Variants in SLC35E2B observed in about 807,000 individuals in gnomAD.
SLC35E2B encodes the protein solute carrier family 35 member E2B, also known as solute carrier family 35, member E2B.
Under a neutral mutation model 32.4 loss-of-function variants are expected in SLC35E2B, and 18 were observed. The observed-to-expected ratio is 0.56, with a 90% CI of 0.38 to 0.82. The LOEUF is 0.82. Ranked by LOEUF, SLC35E2B falls within the 40% of genes least tolerant of loss-of-function variation. The pLI is 0.00. For synonymous variants in SLC35E2B, 132 were observed against 209.1 expected (o/e 0.63, Z 3.18); for missense variants, 263 against 469.5 (o/e 0.56, Z 4.06).
intron 7 of SLC35E2B, 157 bp downstream of exon 7, chr1:1,669,941 C>A: frequency 1.2e-6 from 1 of 850,234 alleles, no homozygotes; most frequent in Non-Finnish European, 1.9e-6. Context: ...AGCTGAGAAA[C>A]GGGCGGGTCC....
At chr1:1,689,534 G>A (rs1259300815) in intron 2 of SLC35E2B, among the ~76,000 whole-genome samples, 1 of 151,588 alleles carries the variant, frequency 6.6e-6, no homozygotes, top group Non-Finnish European at 1.5e-5. Flanking sequence ...ACTTAAATGT[G>A]TAAAACTTTA....
At chr1:1,669,760 GCCC>G in intron 7 of SLC35E2B, 24 bp from the exon 8 acceptor site, 3 of 1,548,034 alleles carry the variant, frequency 1.9e-6, no homozygotes, top group Non-Finnish European at 2.6e-6. Context: ...AACACGCTGG[GCCC>G]CCCGTGTCGG....
intron 9 of SLC35E2B, among the ~76,000 whole-genome samples, chr1:1,667,424 T>TAAAATA (rs35902057): frequency 0.26 from 39,887 of 151,214 alleles, 6,614 homozygotes; most frequent in Non-Finnish European, 0.37. Flanking sequence ...AAAAAATAAA[T>TAAAATA]AAATAAAATA....
At chr1:1,678,625 A>AC (rs1276689661) in intron 2 of SLC35E2B, among the ~76,000 whole-genome samples, 1 of 151,560 alleles carries the variant, frequency 6.6e-6, no homozygotes, top group Non-Finnish European at 1.5e-5. Flanking sequence ...GAGAAGGCCG[A>AC]CCCCTCCACC....
chr1:1,678,626 C>T (rs1400822916), intron 2 of SLC35E2B, among the ~76,000 whole-genome samples: 3 of 152,244 alleles, frequency 2.0e-5, no homozygotes, highest in Admixed American at 2.0e-4. Flanking sequence ...AGAAGGCCGA[C>T]CCCTCCACCA....
intron 6 of SLC35E2B, 45 bp downstream of exon 6, chr1:1,671,464 G>A: frequency 7.2e-7 from 1 of 1,383,852 alleles, no homozygotes; most frequent in Non-Finnish European, 9.5e-7. Context: ...ATGCAGGTGA[G>A]CACCGGGTCT....
intron 6 of SLC35E2B, chr1:1,670,887 G>A (rs140784911): frequency 2.6e-5 from 4 of 152,310 alleles, no homozygotes; most frequent in Admixed American, 6.5e-5. Context: ...AGGTTTTGCC[G>A]GGGCTGGAGT....
At chr1:1,690,554 C>G (rs1644007387) in intron 2 of SLC35E2B, among the ~76,000 whole-genome samples, 1 of 135,290 alleles carries the variant, frequency 7.4e-6, no homozygotes, top group Non-Finnish European at 1.6e-5. Flanking sequence ...GCCTGGCCAA[C>G]ATGATGAAAC....
rs1036008963 is a variant in SLC35E2B at position 1,665,451 on chromosome 1, C to T, written c.*331G>A. ...CGGCTCTCGTTGGCACTGGACCCAC[C>T]TCTGGCTCCCGGTGGACCCTGGGGT... On this transcript the variant is annotated 3_prime_UTR_variant, in exon 10 of 10. Transcript: ENST00000617444. 1.9e-5 allele frequency: 10 copies of T among 528,482 alleles called. No homozygotes were observed. In the African/African-American group the frequency reaches 1.9e-4, roughly 10 times the overall value. The allele number at this position is 528,482 out of a possible 1,614,324, so 32.7% of individuals were successfully genotyped here.
At position 1,678,979 on chromosome 1, in the gene SLC35E2B, C is replaced by T. The variant is rs377089128; in HGVS notation, c.-147-2133G>A. 6.8e-4 allele frequency among the ~76,000 whole-genome samples: 103 copies of T among 152,276 alleles called. 1 individual carries two copies. The highest frequency in any genetic ancestry group is 2.0e-3 in the African/African-American group (82 of 41,550). Reference sequence around the variant, plus strand: ...GGACAGAGCACTCGCGACAGGGCTCCGCAAGGCAGGGGTGGAGCTCATGGC... The same window carrying T: ...GGACAGAGCACTCGCGACAGGGCTCTGCAAGGCAGGGGTGGAGCTCATGGC... On this transcript the variant is annotated intron_variant, in intron 2 of 9. Transcript: ENST00000617444.
Position 1,670,132 on chromosome 1 carries a change from T to A in SLC35E2B, c.727A>T (p.Lys243Ter). 3 of 1,551,728 alleles carry A rather than the reference T, an allele frequency of 1.9e-6. No homozygotes were observed. Among genetic ancestry groups the A allele is most frequent in the Non-Finnish European group, 2.6e-6 (3 of 1,146,724 alleles). ...TATTTGTCCCCGCTGAGCAGCTTTT[T>A]TGAAAAAACATTTTGCAAACTAGAA... Reference protein sequence around the residue: ...IMDCLQNVFSKKLLSGDKYRF... With the variant: ...IMDCLQNVFS The change falls in exon 7 of 10, where the codon AAA (lysine) becomes TAA (stop). Residue 243 changes from lysine (K) to a stop codon, truncating the protein, a stop_gained. Transcript: ENST00000617444. LOFTEE classifies it high-confidence loss of function.
At chr1:1,671,668 G>A (rs757729428) in intron 5 of SLC35E2B, 39 bp from the exon 6 acceptor site, 31 of 1,478,368 alleles carry the variant, frequency 2.1e-5, no homozygotes, top group South Asian at 8.0e-5. Flanking sequence ...CTGACCCGCC[G>A]GGCGGACGCT....
intron 6 of SLC35E2B, chr1:1,671,207 G>C (rs1643678507): frequency 5.0e-6 from 1 of 200,748 alleles, no homozygotes; most frequent in African/African-American, 2.3e-5. Context: ...GCAGCCGCAT[G>C]AAGACACACC....
chr1:1,666,129 T>C, intron 9 of SLC35E2B, 110 bp from the exon 10 acceptor site: 1 of 1,287,978 alleles, frequency 7.8e-7, no homozygotes, highest in South Asian at 1.5e-5. Flanking sequence ...GTTGGGGGAC[T>C]CAGCGTCACG....
At chr1:1,686,959 G>A (rs1278932565) in intron 2 of SLC35E2B, among the ~76,000 whole-genome samples, 1 of 151,994 alleles carries the variant, frequency 6.6e-6, no homozygotes, top group East Asian at 1.9e-4. Flanking sequence ...AGGAGCCTGA[G>A]GCAGGAGAAG....
In SLC35E2B at chr1:1,663,761, A is replaced by T. The variant is rs1350963094; in HGVS notation, c.*2021T>A. 2.6e-6 allele frequency: 2 copies of T among 773,386 alleles called. 1 individual carries two copies. 47.9% of individuals were successfully genotyped at this position (773,386 alleles called of 1,614,324 possible). ...TGCGATTAGAGGCGTGAGCCACCGC[A>T]CCCAGTCTTCTATTAGTTTTTGAGG... is the stretch of plus-strand genomic sequence containing the variant. On this transcript the variant is annotated 3_prime_UTR_variant, in exon 10 of 10. Transcript: ENST00000617444.
chr1:1,678,919 G>T (rs1643876225), intron 2 of SLC35E2B, among the ~76,000 whole-genome samples: 1 of 152,104 alleles, frequency 6.6e-6, no homozygotes, highest in Non-Finnish European at 1.5e-5. Context: ...TTCCTGAGGT[G>T]AAAATCCAAC....
At chr1:1,668,645 GTTTT>G (rs76577145) in intron 8 of SLC35E2B, among the ~76,000 whole-genome samples, 173 bp from the exon 9 acceptor site, 6 of 152,040 alleles carry the variant, frequency 3.9e-5, no homozygotes, top group East Asian at 1.9e-4. Context: ...TCCATTTTCT[GTTTT>G]TTTTGTTTGT....
intron 1 of SLC35E2B, among the ~76,000 whole-genome samples, 166 bp downstream of exon 1, chr1:1,692,283 C>T (rs1441436716): frequency 6.9e-6 from 1 of 144,428 alleles, no homozygotes; most frequent in Non-Finnish European, 1.5e-5. Flanking sequence ...TTTCCGCGCA[C>T]AGCGCCAGCC....
Sources: gnomAD v4.1 joint callset for allele counts (sites outside exome capture counted in the v4.1 genomes callset) on GRCh38, gnomAD v4.1.1 for gene constraint, MANE v1.5 for transcripts, NCBI Gene and HGNC (gene_info 2026-07-23, HGNC 2026-07-21) for gene names.